Variants in PRDM14 observed in about 807,000 individuals in gnomAD.
PRDM14 encodes the protein PR/SET domain 14.
Under a neutral mutation model 48.0 loss-of-function variants are expected in PRDM14, and 16 were observed. The observed-to-expected ratio is 0.33, with a 90% CI of 0.23 to 0.51. The LOEUF (loss-of-function observed/expected upper bound fraction) is 0.51, where lower values mean the gene tolerates loss of function less well. PRDM14 is among the 20% of genes least tolerant of loss of function. The pLI is 0.97. For missense variants in PRDM14, 566 were observed against 719.6 expected, an observed-to-expected ratio of 0.79 and a Z score of 2.44; for synonymous variants, 264 against 276.6, an observed-to-expected ratio of 0.95 and a Z score of 0.45.
intron 6 of PRDM14, among the ~76,000 whole-genome samples, chr8:70,056,877 T>C (rs1805482192): frequency 6.6e-6 from 1 of 151,098 alleles, no homozygotes; most frequent in Non-Finnish European, 1.5e-5. Flanking sequence ...CCTCGTCTGT[T>C]GAAGGGTAAG....
intron 5 of PRDM14, among the ~76,000 whole-genome samples, chr8:70,060,284 TC>T (rs1442755719): frequency 6.6e-6 from 1 of 150,728 alleles, no homozygotes; most frequent in Non-Finnish European, 1.5e-5. Context: ...ACGCCTTTAG[TC>T]CCAGAGGCCG....
Position 70,051,812 on chromosome 8 carries a change from C to T in PRDM14, c.*265G>A, listed in dbSNP as rs1563436762. 7 of 345,618 alleles carry T rather than the reference C, an allele frequency of 2.0e-5. No individual in the cohort carries two copies. In the South Asian group the frequency reaches 2.4e-4, roughly 12 times the overall value. 21.4% of individuals were successfully genotyped at this position (345,618 alleles called of 1,614,324 possible). A position where few individuals can be genotyped will look rare whatever the true frequency, so the allele number is the denominator to read the frequency against. The stretch of plus-strand genomic sequence containing the variant: ...TTTGAGACAGGGTCTGGTTCTGTCA[C>T]CCAGGTTGAAAAGCAGTGGGGCGAT... On this transcript the variant is annotated 3_prime_UTR_variant, in exon 8 of 8. Coordinates refer to ENST00000276594, the MANE Select transcript of PRDM14 (RefSeq NM_024504.4).
At chr8:70,058,385 C>G (rs531721638) in intron 6 of PRDM14, among the ~76,000 whole-genome samples, 1 of 152,308 alleles carries the variant, frequency 6.6e-6, no homozygotes, top group East Asian at 1.9e-4. Context: ...TTTCATAATC[C>G]ACGTGTCCAG....
Position 70,069,266 on chromosome 8 carries a change from C to G in PRDM14, c.595G>C (p.Glu199Gln). ...TACAGAACGAAGTGCAGGTCCTCCT[C>G]CGTGAACTGGAACCGAGCAGGGGAC... is the stretch of plus-strand genomic sequence containing the variant. Reference protein sequence around the residue: ...GKSPARFQFTEEDLHFVLYGV... With the variant: ...GKSPARFQFTQEDLHFVLYGV... The change falls in exon 2 of 8, where the codon GAG (glutamate) becomes CAG (glutamine). Residue 199 changes from glutamate to glutamine, a missense_variant. By Grantham distance (29) the Glu-to-Gln change is conservative (BLOSUM62 2). Coordinates refer to ENST00000276594, the MANE Select transcript of PRDM14 (RefSeq NM_024504.4). 6.2e-7 allele frequency: 1 copy of G among 1,610,252 alleles called. No individual in the cohort carries two copies. Among genetic ancestry groups the G allele is most frequent in the Non-Finnish European group, 8.5e-7 (1 of 1,178,010 alleles).
chr8:70,063,482 A>ACTG (rs1805617637), intron 5 of PRDM14, among the ~76,000 whole-genome samples: 1 of 152,146 alleles, frequency 6.6e-6, no homozygotes, highest in South Asian at 2.1e-4. Context: ...CTTGCCAGTT[A>ACTG]CTAAGCAGAT....
intron 2 of PRDM14, among the ~76,000 whole-genome samples, chr8:70,068,887 A>T (rs1805715208): frequency 6.6e-6 from 1 of 152,196 alleles, no homozygotes; most frequent in Non-Finnish European, 1.5e-5. Flanking sequence ...CTGTCATTGC[A>T]TGTTAGCATA....
In PRDM14 at chr8:70,066,402, AG is replaced by A; in HGVS notation, c.1015del (p.Leu339Ter). 2.5e-6 allele frequency: 4 copies of A among 1,614,182 alleles called. No homozygotes were observed. Among genetic ancestry groups the A allele is most frequent in the Non-Finnish European group, 2.5e-6 (3 of 1,180,020 alleles). On this transcript the variant is annotated frameshift_variant, in exon 5 of 8. Coordinates refer to ENST00000276594, the MANE Select transcript of PRDM14 (RefSeq NM_024504.4). LOFTEE classifies it high-confidence loss of function. Reference protein sequence around the residue: ...NCARFPKEQNLVAVQCQGHIF... With the variant: ...NCARFPKEQNXVAVQCQGHIF... Reference sequence around the variant, plus strand: ...ATGCCCTTGACACTGCACAGCAACTAGGTTCTGCTCCTTGGGGAAGCGGGCA... The same window carrying A: ...ATGCCCTTGACACTGCACAGCAACTAGTTCTGCTCCTTGGGGAAGCGGGCA...
Position 70,069,582 on chromosome 8 carries a change from G to C in PRDM14, c.279C>G (p.Pro93=). Residue 93 remains proline, a synonymous_variant, in exon 2 of 8, where the codon CCC becomes CCG. Transcript: ENST00000276594. ...ACCACGGTGGCAGCTTGCTGTACCA[G>C]GGCAGATCGTAGAGAGGCTCCCTCT... The part of the protein sequence containing the change: ...GLQREPLYDL[P]WYSKLPPWYP... 1 of 1,601,506 alleles carries C rather than the reference G, an allele frequency of 6.2e-7. No homozygotes were observed. Among genetic ancestry groups the C allele is most frequent in the Non-Finnish European group, 8.5e-7 (1 of 1,174,358 alleles).
chr8:70,057,986 A>G (rs1805506479), intron 6 of PRDM14, among the ~76,000 whole-genome samples: 1 of 152,246 alleles, frequency 6.6e-6, no homozygotes, highest in Non-Finnish European at 1.5e-5. Context: ...CCAACAGTCA[A>G]GCAAGAATAC....
At chr8:70,055,564 G>A (rs1337736194) in intron 6 of PRDM14, among the ~76,000 whole-genome samples, 163 bp from the exon 7 acceptor site, 1 of 150,204 alleles carries the variant, frequency 6.7e-6, no homozygotes, top group African/African-American at 2.5e-5. Context: ...GGACTGCAGT[G>A]GCACAATCAC....
At chr8:70,052,695 T>A (rs1007178237) in intron 7 of PRDM14, among the ~76,000 whole-genome samples, 9 of 151,764 alleles carry the variant, frequency 5.9e-5, no homozygotes, top group Admixed American at 5.9e-4. Flanking sequence ...TGAAACCCCA[T>A]CTCTACTAAA....
chr8:70,065,182 G>A (rs554778254), intron 5 of PRDM14, among the ~76,000 whole-genome samples: 11 of 152,114 alleles, frequency 7.2e-5, no homozygotes, highest in Non-Finnish European at 1.5e-4. Context: ...CACTGTGCCC[G>A]ACCTGAGATG....
intron 7 of PRDM14, among the ~76,000 whole-genome samples, chr8:70,053,739 T>G (rs1805426571): frequency 6.6e-6 from 1 of 152,184 alleles, no homozygotes; most frequent in African/African-American, 2.4e-5. Context: ...ACACACACTT[T>G]GGAGGTATTA....
chr8:70,065,313 CT>C (rs1805649614), intron 5 of PRDM14, among the ~76,000 whole-genome samples: 1 of 152,154 alleles, frequency 6.6e-6, no homozygotes, highest in East Asian at 1.9e-4. Flanking sequence ...TGCCTTCTCT[CT>C]TATTTACAGG....
At chr8:70,057,488 C>T (rs1585648593) in intron 6 of PRDM14, among the ~76,000 whole-genome samples, 1 of 152,112 alleles carries the variant, frequency 6.6e-6, no homozygotes, top group East Asian at 1.9e-4. Context: ...TGCCACCACA[C>T]CCGGCTAATG....
At chr8:70,056,230 G>C (rs1480644315) in intron 6 of PRDM14, among the ~76,000 whole-genome samples, 2 of 152,158 alleles carry the variant, frequency 1.3e-5, no homozygotes, top group African/African-American at 2.4e-5. Context: ...TCTTGACCCT[G>C]GCAACTCCTC....
chr8:70,061,507 C>T (rs1324115184), intron 5 of PRDM14, among the ~76,000 whole-genome samples: 1 of 152,162 alleles, frequency 6.6e-6, no homozygotes, highest in Non-Finnish European at 1.5e-5. Flanking sequence ...GATCCATCGC[C>T]CTGCTCTGTC....
intron 5 of PRDM14, among the ~76,000 whole-genome samples, chr8:70,065,243 T>A (rs1225854861): frequency 6.6e-6 from 1 of 152,050 alleles, no homozygotes; most frequent in East Asian, 1.9e-4. Context: ...CCTCAAGTGA[T>A]CCGCCCATCT....
chr8:70,057,178 G>C (rs527544039), intron 6 of PRDM14, among the ~76,000 whole-genome samples: 1 of 151,848 alleles, frequency 6.6e-6, no homozygotes, highest in African/African-American at 2.4e-5. Context: ...TGTTAGCCAC[G>C]ATGGTCTTGA....
Sources: allele counts gnomAD v4.1 joint callset (sites outside exome capture counted in the v4.1 genomes callset), GRCh38; gene constraint gnomAD v4.1.1; transcripts MANE v1.5; gene names NCBI Gene and HGNC (gene_info 2026-07-23, HGNC 2026-07-21).